Variants in PLEKHA5 observed in about 807,000 individuals in gnomAD.
The protein encoded by PLEKHA5 is pleckstrin homology domain-containing family A member 5.
In PLEKHA5, 55 loss-of-function variants were observed where a neutral mutation model predicts 181.9. That is an observed-to-expected ratio of 0.30 (90% confidence interval 0.24 to 0.38). PLEKHA5 has a LOEUF of 0.38. Among genes scored for constraint, PLEKHA5 ranks in the 10% least tolerant of loss-of-function variants. The pLI, the probability that PLEKHA5 is intolerant of heterozygous loss-of-function variation, is 1.00. For missense variants in PLEKHA5, 1,432 were observed against 1,549.5 expected (o/e 0.92, Z 1.27); for synonymous variants, 535 against 529.4 (o/e 1.01, Z -0.15).
intron 27 of PLEKHA5, 59 bp downstream of exon 27, chr12:19,358,496 A>G: frequency 8.7e-7 from 1 of 1,149,374 alleles, no homozygotes; most frequent in Non-Finnish European, 1.3e-6. Flanking sequence ...GAATTTTGGA[A>G]TCAGAGTTAC....
At chr12:19,330,172 A>G (rs1178692332) in intron 20 of PLEKHA5, among the ~76,000 whole-genome samples, 1 of 152,184 alleles carries the variant, frequency 6.6e-6, no homozygotes, top group African/African-American at 2.4e-5. Flanking sequence ...TAGAATTTTT[A>G]ACAATAAAAA....
rs78337567 is a variant in PLEKHA5, at chr12:19,142,040, C to T, written c.227+9590C>T. 8.0e-3 allele frequency among the ~76,000 whole-genome samples: 1,221 copies of T among 152,192 alleles called. 15 individuals carry two copies. The highest frequency in any genetic ancestry group is 0.028 in the African/African-American group (1,149 of 41,508). Reference sequence around the variant, plus strand: ...CCTCTAAGGTGAAAATTCCAACTTTCGCTAAAGTGGTTGAAGTTGCATATT... The same window carrying T: ...CCTCTAAGGTGAAAATTCCAACTTTTGCTAAAGTGGTTGAAGTTGCATATT... On this transcript the variant is annotated intron_variant, in intron 3 of 31. Coordinates refer to ENST00000429027, the MANE Select transcript of PLEKHA5 (RefSeq NM_001256470.2).
At chr12:19,238,283 T>G (rs1272592153) in intron 3 of PLEKHA5, among the ~76,000 whole-genome samples, 4 of 152,104 alleles carry the variant, frequency 2.6e-5, no homozygotes, top group Non-Finnish European at 5.9e-5. Flanking sequence ...TTGTGAATAA[T>G]ATAGTTAGGT....
chr12:19,311,340 A>G (rs1421867357), intron 15 of PLEKHA5, among the ~76,000 whole-genome samples: 4 of 151,814 alleles, frequency 2.6e-5, no homozygotes, highest in Admixed American at 1.3e-4. Flanking sequence ...TGGGAGGCTG[A>G]AGCGGCAGGA....
chr12:19,179,691 T>C (rs2048108669), intron 3 of PLEKHA5, among the ~76,000 whole-genome samples: 1 of 152,100 alleles, frequency 6.6e-6, no homozygotes, highest in Non-Finnish European at 1.5e-5. Flanking sequence ...AGTGAAGTGT[T>C]AGTTAAATAT....
At chr12:19,253,643 C>A (rs965366229) in intron 3 of PLEKHA5, among the ~76,000 whole-genome samples, 1 of 151,706 alleles carries the variant, frequency 6.6e-6, no homozygotes, top group Non-Finnish European at 1.5e-5. Flanking sequence ...ATGGTGAAAT[C>A]CTGTCTCTAC....
rs527644312 is a variant in PLEKHA5 at position 19,198,128 on chromosome 12, C to T, written c.228-55812C>T. ...TTGACCCTTTACAATCCATTCTCCACACTAGCTAGATTCATTTTCTTAAAA... is the reference window on the plus strand; with the variant it reads ...TTGACCCTTTACAATCCATTCTCCATACTAGCTAGATTCATTTTCTTAAAA... On this transcript the variant is annotated intron_variant, in intron 3 of 31. Transcript: ENST00000429027. Among the ~76,000 whole-genome samples the T allele has an allele frequency of 2.6e-5, 4 of 152,322 alleles. No individual in the cohort carries two copies. In the East Asian group the frequency reaches 7.7e-4, roughly 29 times the overall value.
rs137899775 is a variant in PLEKHA5, at chr12:19,316,646, G to T, written c.2118+1752G>T. ...ACCAGGAAATCAGTGTTAACTCTCA[G>T]TGCTGTTAAGGCTAGGGAGTCTTCA... On this transcript the variant is annotated intron_variant, in intron 16 of 31. Transcript: ENST00000429027. 9.7e-4 allele frequency among the ~76,000 whole-genome samples: 147 copies of T among 152,264 alleles called. 1 individual carries two copies. Among genetic ancestry groups the T allele is most frequent in the African/African-American group, 3.4e-3 (142 of 41,564 alleles).
chr12:19,229,613 G>T (rs1488850124), intron 3 of PLEKHA5, among the ~76,000 whole-genome samples: 3 of 152,194 alleles, frequency 2.0e-5, no homozygotes, highest in Non-Finnish European at 4.4e-5. Context: ...CATAGAGGCA[G>T]TGCGGACCCA....
At chr12:19,302,179 T>G (rs1286094893) in intron 15 of PLEKHA5, among the ~76,000 whole-genome samples, 1 of 152,152 alleles carries the variant, frequency 6.6e-6, no homozygotes, top group African/African-American at 2.4e-5. Context: ...GAAGAAGTCA[T>G]TAAGAACTCA....
chr12:19,249,024 A>G (rs994144875), intron 3 of PLEKHA5, among the ~76,000 whole-genome samples: 6 of 152,174 alleles, frequency 3.9e-5, no homozygotes, highest in African/African-American at 1.4e-4. Flanking sequence ...TTTATGATAC[A>G]TTTTAATTTA....
chr12:19,307,328 C>T (rs1473818569), intron 15 of PLEKHA5: 4 of 322,018 alleles, frequency 1.2e-5, no homozygotes, highest in East Asian at 8.8e-5. Flanking sequence ...CAAAATTAGC[C>T]GGGCATGGTG....
At chr12:19,333,899 G>A (rs1480069571) in intron 20 of PLEKHA5, among the ~76,000 whole-genome samples, 6 of 152,008 alleles carry the variant, frequency 3.9e-5, no homozygotes, top group Non-Finnish European at 4.4e-5. Context: ...GTGAGCCACC[G>A]CACCTGGCCT....
chr12:19,345,415 TAAAAAATAAAAATAAA>T (rs2094256634), intron 22 of PLEKHA5, among the ~76,000 whole-genome samples: 1 of 146,796 alleles, frequency 6.8e-6, no homozygotes, highest in African/African-American at 2.5e-5. Context: ...AAAATAAAAA[TAAAAAATAAAAATAAA>T]TAAAAATAAA....
chr12:19,337,064 C>G (rs376445099), intron 21 of PLEKHA5, among the ~76,000 whole-genome samples: 1 of 148,206 alleles, frequency 6.7e-6, no homozygotes, highest in Non-Finnish European at 1.5e-5. Flanking sequence ...CTTGGCTCAC[C>G]GCAACCTCTG....
chr12:19,244,735 C>A (rs2063332663), intron 3 of PLEKHA5, among the ~76,000 whole-genome samples: 1 of 152,040 alleles, frequency 6.6e-6, no homozygotes. Flanking sequence ...ATATATATTA[C>A]TCGTTTTGCG....
At chr12:19,142,022 G>A (rs1449617827) in intron 3 of PLEKHA5, among the ~76,000 whole-genome samples, 1 of 152,040 alleles carries the variant, frequency 6.6e-6, no homozygotes, top group Non-Finnish European at 1.5e-5. Flanking sequence ...TTGCCTCTAA[G>A]GTGAAAATTC....
intron 15 of PLEKHA5, among the ~76,000 whole-genome samples, chr12:19,299,051 G>C (rs1260729213): frequency 6.6e-6 from 1 of 152,208 alleles, no homozygotes; most frequent in Non-Finnish European, 1.5e-5. Context: ...AAGGACCTAA[G>C]GTATGACAAG....
intron 3 of PLEKHA5, among the ~76,000 whole-genome samples, chr12:19,249,784 A>G (rs1009934204): frequency 6.6e-6 from 1 of 152,158 alleles, no homozygotes; most frequent in Non-Finnish European, 1.5e-5. Flanking sequence ...ATTCAAACCT[A>G]TGTAGTCTGA....
Sources: allele counts gnomAD v4.1 joint callset (sites outside exome capture counted in the v4.1 genomes callset), GRCh38; gene constraint gnomAD v4.1.1; transcripts MANE v1.5; gene names NCBI Gene and HGNC (gene_info 2026-07-23, HGNC 2026-07-21).